The following H2BC18 variants were observed in gnomAD, a reference collection of about 807,000 sequenced individuals.
The protein encoded by H2BC18 is histone H2B type 2-F.
A neutral mutation model predicts 6.3 loss-of-function variants in H2BC18; 8 were observed. The ratio of observed to expected loss-of-function variants is 1.28; its 90% CI spans 0.75 to 2.31. The LOEUF is 2.31. H2BC18 is among the 30% of genes most tolerant of loss of function. The pLI is 0.00. For missense variants in H2BC18, 106 were observed against 174.5 expected (o/e 0.61, Z 2.21); for synonymous variants, 104 against 78.1 (o/e 1.33, Z -1.75).
intron 1 of H2BC18, among the ~76,000 whole-genome samples, chr1:149,790,648 A>C (rs1401949880): frequency 2.1e-3 from 218 of 102,088 alleles, no homozygotes; most frequent in Middle Eastern, 5.0e-3. Context: ...TCTTCCCTCC[A>C]CTCCATGACC....
chr1:149,797,579 G>T (rs1250302133), intron 1 of H2BC18, among the ~76,000 whole-genome samples: 1 of 152,120 alleles, frequency 6.6e-6, no homozygotes, highest in Non-Finnish European at 1.5e-5. Flanking sequence ...ACTTTCCACA[G>T]GTTTTTGTTG....
At chr1:149,811,236 G>C (rs587668028), downstream of H2BC18, 1 of 154,480 alleles carries the variant, frequency 6.5e-6, no homozygotes, top group Non-Finnish European at 1.4e-5. Context: ...CCTGGCCTCT[G>C]CCCATTGGAT....
chr1:149,797,742 C>T (rs587662738), intron 1 of H2BC18, among the ~76,000 whole-genome samples: 24 of 152,292 alleles, frequency 1.6e-4, no homozygotes, highest in African/African-American at 4.3e-4. Flanking sequence ...GAACTATAGG[C>T]GTGCACCACG....
chr1:149,785,824 C>T (rs1282539390), intron 1 of H2BC18: 4 of 152,074 alleles, frequency 2.6e-5, no homozygotes, highest in Non-Finnish European at 5.9e-5. Flanking sequence ...TTCTAGTCCA[C>T]CCCTGACACT....
chr1:149,793,251 G>A, intron 1 of H2BC18: 2 of 1,251,206 alleles, frequency 1.6e-6, no homozygotes, highest in Non-Finnish European at 2.1e-6. Flanking sequence ...GGCGGCGGCA[G>A]GGAGGGAGCG....
At chr1:149,788,717 G>C (rs587677758) in intron 1 of H2BC18, 15 of 1,465,332 alleles carry the variant, frequency 1.0e-5, no homozygotes, top group Admixed American at 1.9e-5. Context: ...TGAAGAAACC[G>C]GGCTCCAGAG....
chr1:149,802,044 T>G (rs1398975424), intron 1 of H2BC18, among the ~76,000 whole-genome samples: 1 of 152,148 alleles, frequency 6.6e-6, no homozygotes, highest in Non-Finnish European at 1.5e-5. Context: ...AATTCAAGTT[T>G]TACTTGGTTA....
At chr1:149,799,220 G>C (rs2091833849) in intron 1 of H2BC18, among the ~76,000 whole-genome samples, 1 of 144,360 alleles carries the variant, frequency 6.9e-6, no homozygotes. Flanking sequence ...TAGTTTAATT[G>C]AATTCAAAAT....
intron 1 of H2BC18, among the ~76,000 whole-genome samples, chr1:149,805,748 C>T (rs1389463421): frequency 2.0e-5 from 3 of 151,872 alleles, no homozygotes; most frequent in Admixed American, 6.6e-5. Flanking sequence ...AGGGATAGAG[C>T]GGTGTATGAA....
intron 1 of H2BC18, among the ~76,000 whole-genome samples, chr1:149,790,876 A>G (rs1553751740): frequency 3.9e-5 from 6 of 152,044 alleles, no homozygotes; most frequent in Non-Finnish European, 1.5e-5. Context: ...TCTCTATTTA[A>G]CTGAGGCAGA....
At chr1:149,789,210 C>G (rs1167583639) in intron 1 of H2BC18, among the ~76,000 whole-genome samples, 2 of 151,522 alleles carry the variant, frequency 1.3e-5, no homozygotes, top group African/African-American at 4.9e-5. Flanking sequence ...ATTATTGTCC[C>G]AGATTATCTT....
chr1:149,783,028 C>T, exon 2 of H2BC18: 1 of 461,080 alleles, frequency 2.2e-6, no homozygotes, highest in Non-Finnish European at 3.9e-6. Flanking sequence ...TCTGTTAGTA[C>T]TGGATTTTGA....
chr1:149,788,642 A>G, intron 1 of H2BC18: 1 of 1,613,824 alleles, frequency 6.2e-7, no homozygotes. Flanking sequence ...TAGTCATAGA[A>G]CTGATAGTCC....
intron 1 of H2BC18, chr1:149,790,098 C>T (rs1553751528): frequency 1.2e-6 from 2 of 1,613,884 alleles, no homozygotes; most frequent in Admixed American, 1.7e-5. Flanking sequence ...GACATCCCCA[C>T]TCCTGGAGGG....
intron 1 of H2BC18, among the ~76,000 whole-genome samples, chr1:149,785,407 C>CCTT (rs1553750700): frequency 0.019 from 1,435 of 74,472 alleles, 160 homozygotes; most frequent in African/African-American, 0.055. Context: ...AGAGCTGTTT[C>CCTT]GTTTTTTTTT....
intron 1 of H2BC18, among the ~76,000 whole-genome samples, chr1:149,799,784 T>C (rs1411956654): frequency 1.3e-5 from 2 of 152,228 alleles, no homozygotes; most frequent in Non-Finnish European, 2.9e-5. Flanking sequence ...GAGGAATTTC[T>C]GGCTTATCTT....
chr1:149,791,744 T>G, intron 1 of H2BC18: 1 of 585,036 alleles, frequency 1.7e-6, no homozygotes, highest in East Asian at 3.0e-5. Context: ...CTTGAAAAAC[T>G]TACAAGTCAA....
At chr1:149,790,236 C>T (rs1350706489) in intron 1 of H2BC18, 20 of 1,610,778 alleles carry the variant, frequency 1.2e-5, no homozygotes, top group Non-Finnish European at 1.7e-5. Context: ...ATACCAAATA[C>T]TAACTGCTAG....
At chr1:149,792,779 G>A (rs1553752201) in intron 1 of H2BC18, 2 of 1,278,428 alleles carry the variant, frequency 1.6e-6, no homozygotes, top group South Asian at 1.2e-5. Context: ...CCTGGAGGCT[G>A]CAGGAGCGAG....
Sources: allele counts gnomAD v4.1 joint callset (sites outside exome capture counted in the v4.1 genomes callset), GRCh38; gene constraint gnomAD v4.1.1; transcripts MANE v1.5; gene names NCBI Gene and HGNC (gene_info 2026-07-23, HGNC 2026-07-21).